The following MUC13 variants were observed in gnomAD, a reference collection of about 807,000 sequenced individuals.
The protein encoded by MUC13 is mucin-13.
A neutral mutation model predicts 48.3 loss-of-function variants in MUC13; 32 were observed. The observed-to-expected ratio is 0.66, with a 90% confidence interval of 0.50 to 0.89. MUC13 has a LOEUF of 0.89. Among genes scored for constraint, MUC13 ranks in the 40% least tolerant of loss-of-function variants. The pLI is 0.00. For missense variants in MUC13, 571 were observed against 622.8 expected (o/e 0.92, Z 0.88); for synonymous variants, 199 against 224.9 (o/e 0.88, Z 1.03).
intron 2 of MUC13, 74 bp downstream of exon 2, chr3:124,927,458 A>G: frequency 6.9e-7 from 1 of 1,446,538 alleles, no homozygotes; most frequent in Admixed American, 1.8e-5. Context: ...CTACCCCACC[A>G]GAACATACCC....
At chr3:124,925,564 C>T (rs13084372) in intron 2 of MUC13, among the ~76,000 whole-genome samples, 20,242 of 152,092 alleles carry the variant, frequency 0.13, 1,648 homozygotes, top group South Asian at 0.22. Context: ...AACCTCTGTA[C>T]CTTTCTCTAA....
At chr3:124,925,777 C>T (rs1374616907) in intron 2 of MUC13, among the ~76,000 whole-genome samples, 1 of 152,064 alleles carries the variant, frequency 6.6e-6, no homozygotes, top group Admixed American at 6.6e-5. Flanking sequence ...CCACACCTGG[C>T]TAATTTTTGT....
chr3:124,928,399 A>G (rs1319782904), intron 1 of MUC13, among the ~76,000 whole-genome samples: 6 of 152,256 alleles, frequency 3.9e-5, no homozygotes. Context: ...TTATTTTAGG[A>G]ATAAGGTCTT....
chr3:124,931,574 G>A (rs370874300), intron 1 of MUC13, among the ~76,000 whole-genome samples: 6 of 145,730 alleles, frequency 4.1e-5, no homozygotes, highest in Admixed American at 7.0e-5. Context: ...ATGATGAAAC[G>A]CCATCTCTAC....
intron 5 of MUC13, among the ~76,000 whole-genome samples, chr3:124,917,531 C>A (rs927632306): frequency 6.6e-6 from 1 of 151,860 alleles, no homozygotes; most frequent in Non-Finnish European, 1.5e-5. Context: ...TTTTGACTCT[C>A]GAATAAATGC....
chr3:124,931,632 C>T (rs979867013), intron 1 of MUC13, among the ~76,000 whole-genome samples: 2 of 152,038 alleles, frequency 1.3e-5, no homozygotes, highest in Admixed American at 6.6e-5. Flanking sequence ...CCTATAATCC[C>T]AGCCACTCGG....
chr3:124,910,082 G>T (rs1433926031), intron 10 of MUC13, among the ~76,000 whole-genome samples: 1 of 152,012 alleles, frequency 6.6e-6, no homozygotes, highest in East Asian at 1.9e-4. Context: ...TTCTTCCATG[G>T]TCCTGCTATT....
At chr3:124,928,085 T>TTTG in intron 1 of MUC13, 92 bp from the exon 2 acceptor site, 1 of 926,854 alleles carries the variant, frequency 1.1e-6, no homozygotes, top group East Asian at 2.9e-5. Flanking sequence ...ACTCATTCTT[T>TTTG]TTTTTTTTTT....
At position 124,911,902 on chromosome 3, in the gene MUC13, C is replaced by A. The variant is rs1458635153; in HGVS notation, c.1252+202G>T. On this transcript the variant is annotated intron_variant, in intron 9 of 11. Coordinates refer to ENST00000616727, the MANE Select transcript of MUC13 (RefSeq NM_033049.4). ...TCCTGGTGCTGAGTTCTGTTATTTT[C>A]TATGGCAGAGGGGCTGCTGTTCATA... 2.0e-5 allele frequency among the ~76,000 whole-genome samples: 3 copies of A among 152,170 alleles called. No homozygotes were observed. The East Asian group carries it at 5.8e-4, about 29-fold the overall frequency.
At chr3:124,914,180 G>T (rs1375255802) in intron 6 of MUC13, among the ~76,000 whole-genome samples, 1 of 152,220 alleles carries the variant, frequency 6.6e-6, no homozygotes, top group South Asian at 2.1e-4. Context: ...GGGAGGCCGA[G>T]GCTGGTGGAT....
chr3:124,907,989 A>T (rs1935346716), intron 11 of MUC13, among the ~76,000 whole-genome samples, 158 bp downstream of exon 11: 1 of 152,150 alleles, frequency 6.6e-6, no homozygotes. Flanking sequence ...GACAGCAGGG[A>T]ACTTCCTTTT....
intron 9 of MUC13, 106 bp downstream of exon 9, chr3:124,911,998 A>G: frequency 2.1e-6 from 3 of 1,455,766 alleles, no homozygotes; most frequent in Non-Finnish European, 2.8e-6. Context: ...CTCTTTATGA[A>G]AGAGGACAGA....
intron 8 of MUC13, among the ~76,000 whole-genome samples, 172 bp downstream of exon 8, chr3:124,912,935 CAAAA>C (rs1175714352): frequency 9.7e-5 from 4 of 41,238 alleles, no homozygotes; most frequent in South Asian, 8.2e-4. Flanking sequence ...GACTCCATCT[CAAAA>C]AAAAAAAAAA....
At chr3:124,911,957 C>T in intron 9 of MUC13, 147 bp downstream of exon 9, 1 of 1,101,520 alleles carries the variant, frequency 9.1e-7, no homozygotes, top group African/African-American at 1.6e-5. Context: ...ATGGCAGGAC[C>T]CAGAAGGCAA....
chr3:124,920,132 G>A, intron 5 of MUC13, 102 bp downstream of exon 5: 2 of 980,954 alleles, frequency 2.0e-6, no homozygotes, highest in Non-Finnish European at 1.6e-6. Context: ...CTTAACTTGT[G>A]ACTTGCCACA....
Position 124,912,114 on chromosome 3 carries a change from G to T in MUC13, c.1242C>A (p.Asp414Glu). Reference sequence around the variant, plus strand: ...GACTTTCATACTCACTGTCCTTACAGTCGAGTCCACTGTAGCCAAATGCAC... The same window carrying T: ...GACTTTCATACTCACTGTCCTTACATTCGAGTCCACTGTAGCCAAATGCAC... ...QKCAFGYSGL[D>E]CKDKFQLILT... Residue 414 changes from aspartate (D) to glutamate (E), a missense_variant, in exon 9 of 12, where the codon GAC becomes GAA. By Grantham distance (45) the Asp-to-Glu change is conservative. Transcript: ENST00000616727. 1 of 1,613,022 alleles carries T rather than the reference G, an allele frequency of 6.2e-7. No homozygotes were observed. Among genetic ancestry groups the T allele is most frequent in the Non-Finnish European group, 8.5e-7 (1 of 1,179,578 alleles).
rs555012140 is a variant in MUC13 at position 124,925,814 on chromosome 3, C to T, written c.514+1718G>A. 5.3e-5 allele frequency among the ~76,000 whole-genome samples: 8 copies of T among 152,198 alleles called. 1 individual carries two copies. Among genetic ancestry groups the T allele is most frequent in the Admixed American group, 5.2e-4 (8 of 15,284 alleles). On this transcript the variant is annotated intron_variant, in intron 2 of 11. Transcript: ENST00000616727. ...TTTTTCTGTAGAGATGGGGTTTTGCCATGTTTCCCAGGCTGGTCTTGAACT... is the reference window on the plus strand; with the variant it reads ...TTTTTCTGTAGAGATGGGGTTTTGCTATGTTTCCCAGGCTGGTCTTGAACT...
chr3:124,916,556 C>G, intron 5 of MUC13, 76 bp from the exon 6 acceptor site: 18 of 1,465,796 alleles, frequency 1.2e-5, no homozygotes, highest in Non-Finnish European at 1.5e-5. Flanking sequence ...CCCAGACTCC[C>G]GAATCTCCCG....
rs779413800 is a variant in MUC13 at position 124,923,614 on chromosome 3, C to CT, written c.549dup (p.Asp184ArgfsTer2). On this transcript the variant is annotated frameshift_variant, in exon 3 of 12. Coordinates refer to ENST00000616727, the MANE Select transcript of MUC13 (RefSeq NM_033049.4). LOFTEE classifies it high-confidence loss of function. ...TGCAGCTTAACACATAACGAATTAT[C>CT]TGCACAGGGATCATCTTGGCAAGGA... The CT allele has an allele frequency of 6.2e-7, 1 of 1,613,976 alleles. No homozygotes were observed. Among genetic ancestry groups the CT allele is most frequent in the Non-Finnish European group, 8.5e-7 (1 of 1,179,920 alleles).
Sources: gnomAD v4.1 joint callset for allele counts (sites outside exome capture counted in the v4.1 genomes callset) on GRCh38, gnomAD v4.1.1 for gene constraint, MANE v1.5 for transcripts, NCBI Gene and HGNC (gene_info 2026-07-23, HGNC 2026-07-21) for gene names.